Variants in EPHA3 observed in about 807,000 individuals in gnomAD.
EPHA3 encodes the protein EPH receptor A3.
A neutral mutation model predicts 107.1 loss-of-function variants in EPHA3; 42 were observed. The ratio of observed to expected loss-of-function variants is 0.39; its 90% confidence interval spans 0.31 to 0.51. The LOEUF (loss-of-function observed/expected upper bound fraction) is 0.51. EPHA3 is among the 20% of genes least tolerant of loss of function. The pLI is 0.78. For synonymous variants in EPHA3, 461 were observed against 424.8 expected, an observed-to-expected ratio of 1.09 and a Z score of -1.05; for missense variants, 1,183 against 1,211.2, an observed-to-expected ratio of 0.98 and a Z score of 0.35.
chr3:89,314,848 A>G (rs1290084805), intron 3 of EPHA3, among the ~76,000 whole-genome samples: 1 of 151,984 alleles, frequency 6.6e-6, no homozygotes, highest in Non-Finnish European at 1.5e-5. Context: ...CAACGGGAGT[A>G]CATTCTAAGA....
At chr3:89,316,601 C>A (rs1243691745) in intron 3 of EPHA3, among the ~76,000 whole-genome samples, 1 of 147,398 alleles carries the variant, frequency 6.8e-6, no homozygotes, top group African/African-American at 2.5e-5. Flanking sequence ...AAGCACTTCT[C>A]TTTTACTGTT....
intron 3 of EPHA3, among the ~76,000 whole-genome samples, chr3:89,226,455 G>C (rs1704505743): frequency 6.6e-6 from 1 of 152,020 alleles, no homozygotes; most frequent in African/African-American, 2.4e-5. Flanking sequence ...CAGGAATCCA[G>C]ACAACTGAAG....
chr3:89,272,644 C>A (rs903152298), intron 3 of EPHA3, among the ~76,000 whole-genome samples: 1 of 151,870 alleles, frequency 6.6e-6, no homozygotes, highest in Non-Finnish European at 1.5e-5. Flanking sequence ...GTGATAATTG[C>A]ACTTTAAACT....
At chr3:89,321,945 A>T (rs1707052776) in intron 3 of EPHA3, among the ~76,000 whole-genome samples, 1 of 152,106 alleles carries the variant, frequency 6.6e-6, no homozygotes, top group Non-Finnish European at 1.5e-5. Context: ...ATAATACCTT[A>T]TGCAGCATGG....
In EPHA3 at chr3:89,278,791, G is replaced by C. The variant is rs1705871403; in HGVS notation, c.815-62125G>C. Among the ~76,000 whole-genome samples the C allele has an allele frequency of 2.0e-5, 3 of 152,180 alleles. 1 individual carries two copies. In the South Asian group the frequency reaches 6.2e-4, roughly 31 times the overall value. ...ACTAGGCCCATTGCCCCAGAGGTTT[G>C]CCTTAATTTCCCAAAAGAAATGTGC... On this transcript the variant is annotated intron_variant, in intron 3 of 16. Transcript: ENST00000336596.
At chr3:89,395,441 G>T (rs1318518505) in intron 5 of EPHA3, among the ~76,000 whole-genome samples, 4 of 152,162 alleles carry the variant, frequency 2.6e-5, no homozygotes, top group Admixed American at 2.6e-4. Context: ...ATGAGCTGAA[G>T]AATCTGGCAT....
intron 15 of EPHA3, among the ~76,000 whole-genome samples, chr3:89,467,057 A>G (rs2107570104): frequency 6.6e-6 from 1 of 152,282 alleles, no homozygotes; most frequent in African/African-American, 2.4e-5. Context: ...ATTCAAAATT[A>G]TTTTTAGTTA....
chr3:89,429,325 CT>C (rs149320757), intron 12 of EPHA3, among the ~76,000 whole-genome samples, 158 bp downstream of exon 12: 16 of 151,970 alleles, frequency 1.1e-4, no homozygotes, highest in African/African-American at 3.6e-4. Context: ...AAAATTGCAT[CT>C]TTTTTTGCAG....
chr3:89,452,611 A>G (rs372230031), intron 15 of EPHA3, among the ~76,000 whole-genome samples: 1 of 152,272 alleles, frequency 6.6e-6, no homozygotes, highest in South Asian at 2.1e-4. Context: ...CCTATGAGAT[A>G]TATTGACTGT....
At chr3:89,132,648 T>C (rs2106991183) in intron 2 of EPHA3, among the ~76,000 whole-genome samples, 1 of 152,198 alleles carries the variant, frequency 6.6e-6, no homozygotes, top group Middle Eastern at 3.4e-3. Context: ...GGCAGGAGAA[T>C]CACTTGAGGC....
chr3:89,401,735 G>A lies in EPHA3; in HGVS notation c.1594+2255G>A, dbSNP rs112460803. The stretch of plus-strand genomic sequence containing the variant: ...CAATTCTTCTGTTTCAGCCTCCCGA[G>A]TGGCTGGGACTACAGGCTCATGTGC... On this transcript the variant is annotated intron_variant, in intron 7 of 16. Transcript: ENST00000336596. Among the ~76,000 whole-genome samples the A allele has an allele frequency of 1.4e-3, 219 of 152,182 alleles. 2 individuals carry two copies. Among genetic ancestry groups the A allele is most frequent in the Middle Eastern group, 0.014 (4 of 294 alleles).
chr3:89,204,826 A>C (rs1048981728), intron 2 of EPHA3, among the ~76,000 whole-genome samples: 5 of 152,166 alleles, frequency 3.3e-5, no homozygotes, highest in African/African-American at 1.2e-4. Context: ...TGGATTTTGA[A>C]ATGGCTATGA....
At chr3:89,256,888 G>A (rs62278172) in intron 3 of EPHA3, among the ~76,000 whole-genome samples, 33,312 of 152,078 alleles carry the variant, frequency 0.22, 3,952 homozygotes, top group Non-Finnish European at 0.27. Context: ...TAATACATAT[G>A]AGCACATGTC....
chr3:89,424,194 C>T (rs1441251194), intron 11 of EPHA3, among the ~76,000 whole-genome samples: 6 of 151,376 alleles, frequency 4.0e-5, no homozygotes, highest in Admixed American at 6.6e-5. Context: ...AAAGATACTA[C>T]ACCATTTCCC....
At chr3:89,197,320 G>A (rs1705858649) in intron 2 of EPHA3, among the ~76,000 whole-genome samples, 1 of 151,554 alleles carries the variant, frequency 6.6e-6, no homozygotes, top group Admixed American at 6.6e-5. Flanking sequence ...AAGCCACTAA[G>A]CAATCCTGTT....
chr3:89,281,086 C>A (rs561208319), intron 3 of EPHA3, among the ~76,000 whole-genome samples: 39 of 151,820 alleles, frequency 2.6e-4, no homozygotes, highest in African/African-American at 9.2e-4. Flanking sequence ...CGCAGTGGTG[C>A]GATCTTGGAT....
intron 3 of EPHA3, among the ~76,000 whole-genome samples, chr3:89,231,257 AC>A (rs1229532458): frequency 6.6e-6 from 1 of 152,096 alleles, no homozygotes; most frequent in African/African-American, 2.4e-5. Flanking sequence ...AACATTAATG[AC>A]CCTATTAGAC....
intron 11 of EPHA3, among the ~76,000 whole-genome samples, chr3:89,423,842 T>G (rs1301707496): frequency 6.6e-6 from 1 of 151,436 alleles, no homozygotes; most frequent in African/African-American, 2.4e-5. Flanking sequence ...TTTTCTGATA[T>G]TTTTGAAAAA....
chr3:89,431,008 A>C (rs1709556075), intron 12 of EPHA3, 142 bp from the exon 13 acceptor site: 4 of 722,838 alleles, frequency 5.5e-6, no homozygotes, highest in Non-Finnish European at 8.9e-6. Context: ...CATTTGCCAC[A>C]TATCTTTGTC....
Sources: allele counts gnomAD v4.1 joint callset (sites outside exome capture counted in the v4.1 genomes callset), GRCh38; gene constraint gnomAD v4.1.1; transcripts MANE v1.5; gene names NCBI Gene and HGNC (gene_info 2026-07-23, HGNC 2026-07-21).